The following CCSER1 variants were observed in gnomAD, a reference collection of about 807,000 sequenced individuals.
CCSER1 encodes the protein coiled-coil serine rich protein 1.
In CCSER1, 41 loss-of-function variants were observed where a neutral mutation model predicts 82.0. The observed-to-expected ratio is 0.50, with a 90% CI of 0.39 to 0.65. CCSER1 has a LOEUF of 0.65. CCSER1 is among the 30% of genes least tolerant of loss of function. The probability of loss-of-function intolerance (pLI) is 0.00; values close to 1 mark genes in which losing one functional copy is unlikely to be tolerated. For synonymous variants in CCSER1, 414 were observed against 383.9 expected, an observed-to-expected ratio of 1.08 and a Z score of -0.92; for missense variants, 1,119 against 1,064.2, an observed-to-expected ratio of 1.05 and a Z score of -0.72.
At chr4:90,672,351 T>C (rs1732951001) in intron 6 of CCSER1, among the ~76,000 whole-genome samples, 1 of 152,052 alleles carries the variant, frequency 6.6e-6, no homozygotes, top group Non-Finnish European at 1.5e-5. Context: ...ACTTTTATGT[T>C]ATGGCTTCTT....
At chr4:91,432,611 T>C (rs6844266) in intron 10 of CCSER1, among the ~76,000 whole-genome samples, 10,969 of 152,126 alleles carry the variant, frequency 0.072, 1,287 homozygotes, top group African/African-American at 0.25. Context: ...TATCTCTATG[T>C]AGATTTATTT....
At chr4:90,404,764 C>A (rs2153548361) in intron 4 of CCSER1, among the ~76,000 whole-genome samples, 1 of 152,248 alleles carries the variant, frequency 6.6e-6, no homozygotes, top group South Asian at 2.1e-4. Flanking sequence ...TGGGCAAAAA[C>A]AATCACTGCA....
chr4:90,156,590 G>T (rs1478792523), intron 1 of CCSER1, among the ~76,000 whole-genome samples: 1 of 152,186 alleles, frequency 6.6e-6, no homozygotes, highest in African/African-American at 2.4e-5. Context: ...AGGATAGTTA[G>T]CTCTTCTTGT....
At chr4:91,479,177 T>C (rs1236100641) in intron 10 of CCSER1, among the ~76,000 whole-genome samples, 1 of 147,906 alleles carries the variant, frequency 6.8e-6, no homozygotes, top group African/African-American at 2.5e-5. Flanking sequence ...TTTTCTTTCT[T>C]TTTTTTTTTA....
intron 5 of CCSER1, among the ~76,000 whole-genome samples, chr4:90,624,042 T>A (rs573581192): frequency 6.2e-4 from 95 of 152,330 alleles, no homozygotes; most frequent in Admixed American, 1.5e-3. Flanking sequence ...CAGCTCTACT[T>A]AATGAAGCTT....
intron 8 of CCSER1, among the ~76,000 whole-genome samples, chr4:90,893,779 GTGTGTGTGTGTGT>G (rs1723294007): frequency 8.0e-6 from 1 of 124,506 alleles, no homozygotes; most frequent in African/African-American, 2.9e-5. Flanking sequence ...GTGTGTGCGT[GTGTGTGTGTGTGT>G]GGGGGGTGAA....
At chr4:90,696,389 A>G (rs574918597) in intron 6 of CCSER1, among the ~76,000 whole-genome samples, 1 of 131,304 alleles carries the variant, frequency 7.6e-6, no homozygotes, top group African/African-American at 2.6e-5. Flanking sequence ...AAATAATGAG[A>G]AACTGGTAAT....
At chr4:91,044,824 T>C (rs1487594812) in intron 9 of CCSER1, among the ~76,000 whole-genome samples, 1 of 152,186 alleles carries the variant, frequency 6.6e-6, no homozygotes, top group Non-Finnish European at 1.5e-5. Context: ...TCTTTGTTCA[T>C]CATATGAATA....
chr4:90,521,185 T>C (rs899708077), intron 5 of CCSER1, among the ~76,000 whole-genome samples: 1 of 149,008 alleles, frequency 6.7e-6, no homozygotes, highest in African/African-American at 2.6e-5. Flanking sequence ...ATCTATACTA[T>C]CAATGCCTAA....
chr4:91,040,266 T>C (rs991168752), intron 9 of CCSER1, among the ~76,000 whole-genome samples: 2 of 152,222 alleles, frequency 1.3e-5, no homozygotes, highest in African/African-American at 4.8e-5. Flanking sequence ...ATTTTGGTTG[T>C]TCATTTATCC....
chr4:90,213,499 G>A (rs550276592), intron 1 of CCSER1, among the ~76,000 whole-genome samples: 1 of 152,246 alleles, frequency 6.6e-6, no homozygotes, highest in South Asian at 2.1e-4. Flanking sequence ...ATATAGCTGG[G>A]CATTTACCAC....
intron 9 of CCSER1, among the ~76,000 whole-genome samples, chr4:90,932,209 A>G (rs1005874836): frequency 1.3e-5 from 2 of 152,194 alleles, no homozygotes; most frequent in Non-Finnish European, 2.9e-5. Context: ...GAAAATTTAT[A>G]CCAAAAAGAA....
At chr4:90,742,394 C>T (rs138341448) in intron 7 of CCSER1, among the ~76,000 whole-genome samples, 6 of 152,242 alleles carry the variant, frequency 3.9e-5, no homozygotes, top group African/African-American at 1.4e-4. Context: ...ATTTTTACCT[C>T]CAATGTGACA....
In CCSER1 at chr4:91,604,134, G is replaced by A. The variant is rs545237440; in HGVS notation, c.*5077G>A. On this transcript the variant is annotated 3_prime_UTR_variant, in exon 11 of 11. Coordinates refer to ENST00000509176, the MANE Select transcript of CCSER1 (RefSeq NM_001145065.2). Reference sequence around the variant, plus strand: ...TTTTACTCTTTTGTAGATTAGATCAGAGACATTAGGTAACTTGTCCAGGAC... The same window carrying A: ...TTTTACTCTTTTGTAGATTAGATCAAAGACATTAGGTAACTTGTCCAGGAC... 6.6e-6 allele frequency: 1 copy of A among 152,058 alleles called. No individual in the cohort carries two copies. The highest frequency in any genetic ancestry group is 1.5e-5 in the Non-Finnish European group (1 of 67,974). The allele number at this position is 152,058 out of a possible 1,614,324, so 9.4% of individuals were successfully genotyped here. A position where few individuals can be genotyped will look rare whatever the true frequency, so the allele number is the denominator to read the frequency against.
At chr4:90,139,613 G>A (rs1724360494) in intron 1 of CCSER1, among the ~76,000 whole-genome samples, 5 of 152,044 alleles carry the variant, frequency 3.3e-5, no homozygotes, top group Admixed American at 3.3e-4. Context: ...GAACACAATT[G>A]TGTCACTCAG....
intron 3 of CCSER1, among the ~76,000 whole-genome samples, chr4:90,373,887 G>A (rs1421381440): frequency 1.3e-5 from 2 of 152,150 alleles, no homozygotes; most frequent in Non-Finnish European, 2.9e-5. Context: ...TTCTTCTCCT[G>A]TAATGCAAAC....
chr4:90,504,895 A>C (rs933920243), intron 5 of CCSER1, among the ~76,000 whole-genome samples: 2 of 152,140 alleles, frequency 1.3e-5, no homozygotes, highest in Non-Finnish European at 2.9e-5. Context: ...AAAAACCCAG[A>C]GTATCCAAAT....
chr4:90,628,174 T>C lies in CCSER1; in HGVS notation c.1874T>C (p.Leu625Ser). 1 of 1,613,910 alleles carries C rather than the reference T, an allele frequency of 6.2e-7. No homozygotes were observed. Among genetic ancestry groups the C allele is most frequent in the Non-Finnish European group, 8.5e-7 (1 of 1,179,822 alleles). ...GATTCTCTGCCATTCAGACTGATGTTACAGGACTGCACGGCAGTCAAGACG... is the reference window on the plus strand; with the variant it reads ...GATTCTCTGCCATTCAGACTGATGTCACAGGACTGCACGGCAGTCAAGACG... ...GIDSLPFRLM[L>S]QDCTAVKTLL... is the part of the protein sequence containing the mutation. Residue 625 changes from leucine (L) to serine (S), a missense_variant, in exon 6 of 11, where the codon TTA (leucine) becomes TCA (serine). By Grantham distance (145) the Leu-to-Ser change is moderately radical (BLOSUM62 -2). Coordinates refer to ENST00000509176, the MANE Select transcript of CCSER1 (RefSeq NM_001145065.2).
At chr4:90,603,311 G>A (rs995775067) in intron 5 of CCSER1, among the ~76,000 whole-genome samples, 1 of 152,202 alleles carries the variant, frequency 6.6e-6, no homozygotes, top group Non-Finnish European at 1.5e-5. Context: ...GCATAAAAGT[G>A]TTTAATTATC....
Sources: allele counts gnomAD v4.1 joint callset (sites outside exome capture counted in the v4.1 genomes callset), GRCh38; gene constraint gnomAD v4.1.1; transcripts MANE v1.5; gene names NCBI Gene and HGNC (gene_info 2026-07-23, HGNC 2026-07-21).